Variants in CASC3 observed in about 807,000 individuals in gnomAD.
CASC3 encodes CASC3 exon junction complex subunit.
In CASC3, 30 loss-of-function variants were observed where a neutral mutation model predicts 80.5. The ratio of observed to expected loss-of-function variants is 0.37; its 90% CI spans 0.28 to 0.51. The LOEUF is 0.51. Ranked by LOEUF, CASC3 falls within the 20% of genes least tolerant of loss-of-function variation. CASC3 has a pLI of 0.94. For missense variants in CASC3, 824 were observed against 922.2 expected, an observed-to-expected ratio of 0.89 and a Z score of 1.38; for synonymous variants, 312 against 333.6, an observed-to-expected ratio of 0.94 and a Z score of 0.70.
chr17:40,156,517 T>G (rs2145167953), intron 3 of CASC3, among the ~76,000 whole-genome samples: 1 of 151,972 alleles, frequency 6.6e-6, no homozygotes, highest in Non-Finnish European at 1.5e-5. Context: ...AAACCCCGTC[T>G]CTACTGAAAA....
At chr17:40,162,959 AC>A (rs1989342260) in intron 6 of CASC3, 58 bp downstream of exon 6, 1 of 1,501,284 alleles carries the variant, frequency 6.7e-7, no homozygotes, top group Non-Finnish European at 9.2e-7. Context: ...GGTGGCTTAC[AC>A]CTGGAATCCC....
chr17:40,166,992 T>C, intron 8 of CASC3, 131 bp downstream of exon 8: 2 of 667,266 alleles, frequency 3.0e-6, no homozygotes, highest in South Asian at 4.5e-5. Flanking sequence ...AGAGTCTCGC[T>C]CTGTTGCCCA....
rs748066451 is a variant in CASC3 at position 40,163,518 on chromosome 17, G to A, written c.823G>A (p.Gly275Ser). 37 of 1,613,462 alleles carry A rather than the reference G, an allele frequency of 2.3e-5. No homozygotes were observed. The East Asian group carries it at 6.7e-4, about 29-fold the overall frequency. ...TCCACAAAGAGATCCAAACTGGAAC[G>A]GTGAGCGGCTAAACAAGTCTCATCG... ...SPPQRDPNWN[G>S]ERLNKSHRHQ... is the part of the protein sequence containing the mutation. Residue 275 changes from glycine to serine, a missense_variant, in exon 7 of 14, where the codon GGT (glycine) becomes AGT (serine). Around this residue, in one of 3 missense-constraint regions of CASC3, gnomAD observed 201 missense variants for 294.1 expected, o/e 0.68. Transcript: ENST00000264645.
At chr17:40,148,505 C>T (rs1988915255) in intron 3 of CASC3, among the ~76,000 whole-genome samples, 2 of 152,038 alleles carry the variant, frequency 1.3e-5, no homozygotes, top group Non-Finnish European at 2.9e-5. Context: ...GCTGGGACCT[C>T]GTGTGTCACC....
chr17:40,172,120 T>A lies in CASC3; in HGVS notation c.*1715T>A. 1 of 1,289,962 alleles carries A rather than the reference T, an allele frequency of 7.8e-7. No individual in the cohort carries two copies. Among genetic ancestry groups the A allele is most frequent in the Non-Finnish European group, 1.0e-6 (1 of 988,866 alleles). The allele number at this position is 1,289,962 out of a possible 1,614,324, so 79.9% of individuals were successfully genotyped here. ...TTGTTACTGTTTTAAAGGGTGCCCATTTGTGATCAGCATTGTGACTTGGAG... is the reference window on the plus strand; with the variant it reads ...TTGTTACTGTTTTAAAGGGTGCCCAATTGTGATCAGCATTGTGACTTGGAG... On this transcript the variant is annotated 3_prime_UTR_variant, in exon 14 of 14. Coordinates refer to ENST00000264645, the MANE Select transcript of CASC3 (RefSeq NM_007359.5).
At chr17:40,161,722 T>C (rs781559283) in intron 3 of CASC3, 31 bp from the exon 4 acceptor site, 56 of 1,604,898 alleles carry the variant, frequency 3.5e-5, no homozygotes, top group Admixed American at 1.7e-4. Context: ...TCAGATCTTA[T>C]ATGCATCGCT....
chr17:40,168,331 G>A lies in CASC3; in HGVS notation c.1879G>A (p.Val627Ile), dbSNP rs763784278. Residue 627 changes from valine to isoleucine, a missense_variant, in exon 11 of 14, where the codon GTC becomes ATC. Coordinates refer to ENST00000264645, the MANE Select transcript of CASC3 (RefSeq NM_007359.5). ...LAPTYFSAPG[V>I]MNFGNPSYPY... ...TCCTACTTACTTTTCTGCTCCAGGC[G>A]TCATGAACTTTGGTAATCCCAGTTA... 18 of 1,613,904 alleles carry A rather than the reference G, an allele frequency of 1.1e-5. No individual in the cohort carries two copies. The highest frequency in any genetic ancestry group is 8.3e-5 in the Admixed American group (5 of 59,976).
chr17:40,152,846 G>A (rs1014503721), intron 3 of CASC3, among the ~76,000 whole-genome samples: 17 of 151,740 alleles, frequency 1.1e-4, no homozygotes, highest in Non-Finnish European at 1.6e-4. Context: ...TTACAATCTC[G>A]GCTCACTGCA....
At position 40,141,252 on chromosome 17, in the gene CASC3, C is replaced by T. The variant is rs763736264; in HGVS notation, c.259+18C>T. The T allele has an allele frequency of 1.2e-5, 20 of 1,610,298 alleles. No individual in the cohort carries two copies. Among genetic ancestry groups the T allele is most frequent in the South Asian group, 8.8e-5 (8 of 90,974 alleles). On this transcript the variant is annotated intron_variant, in intron 2 of 13. Coordinates refer to ENST00000264645, the MANE Select transcript of CASC3 (RefSeq NM_007359.5). ...AGGTGATGGTGAGTAGCATCTTTTA[C>T]CCCATTAGGACAAGAGTTTTTTTTA... is the stretch of plus-strand genomic sequence containing the variant.
chr17:40,168,256 C>T lies in CASC3; in HGVS notation c.1804C>T (p.Pro602Ser), dbSNP rs1421034732. The change falls in exon 11 of 14, where the codon CCA becomes TCA. Residue 602 changes from proline (P) to serine (S), a missense_variant. Physicochemically the swap from Pro to Ser is moderately conservative, Grantham distance 74. This residue lies in a region of CASC3 where 464 missense variants were observed against 506.0 expected (regional missense o/e 0.92). Transcript: ENST00000264645. Reference sequence around the variant, plus strand: ...TCTGCCCAATCCAGGCCTCTATCCCCCACCAGTGTCCATGTCTCCAGGACA... The same window carrying T: ...TCTGCCCAATCCAGGCCTCTATCCCTCACCAGTGTCCATGTCTCCAGGACA... ...APLPNPGLYP[P>S]PVSMSPGQPP... is the part of the protein sequence containing the mutation. 1 of 1,614,164 alleles carries T rather than the reference C, an allele frequency of 6.2e-7. No individual in the cohort carries two copies. The highest frequency in any genetic ancestry group is 2.2e-5 in the East Asian group (1 of 44,886).
intron 5 of CASC3, 83 bp from the exon 6 acceptor site, chr17:40,162,642 G>C (rs1409869201): frequency 9.1e-6 from 12 of 1,323,790 alleles, no homozygotes; most frequent in Non-Finnish European, 1.3e-5. Flanking sequence ...TTGTCCCCCT[G>C]CCTCCCTGAC....
At position 40,158,961 on chromosome 17, in the gene CASC3, C is replaced by T. The variant is rs1034275897; in HGVS notation, c.298-2792C>T. ...TCAAGAGTTTGCACATCTGGTTGGGCGCAGTGGCTCATGCCTGTAATCCTA... is the reference window on the plus strand; with the variant it reads ...TCAAGAGTTTGCACATCTGGTTGGGTGCAGTGGCTCATGCCTGTAATCCTA... On this transcript the variant is annotated intron_variant, in intron 3 of 13. Transcript: ENST00000264645. Among the ~76,000 whole-genome samples, 13 of 152,062 alleles carry T rather than the reference C, an allele frequency of 8.5e-5. 1 individual carries two copies. The highest frequency in any genetic ancestry group is 7.4e-5 in the Non-Finnish European group (5 of 68,026).
chr17:40,171,768 G>T lies in CASC3; in HGVS notation c.*1363G>T, dbSNP rs1021764507. The stretch of plus-strand genomic sequence containing the variant: ...TACAGAACCTGAGGGCAAAGATGGT[G>T]GCTGTGTCTCTCCCCGGTAATGTCA... On this transcript the variant is annotated 3_prime_UTR_variant, in exon 14 of 14. Transcript: ENST00000264645. 8.6e-7 allele frequency: 1 copy of T among 1,160,096 alleles called. No individual in the cohort carries two copies. Among genetic ancestry groups the T allele is most frequent in the Non-Finnish European group, 1.1e-6 (1 of 927,594 alleles). The allele number at this position is 1,160,096 out of a possible 1,614,324, so 71.9% of individuals were successfully genotyped here. A position where few individuals can be genotyped will look rare whatever the true frequency, so the allele number is the denominator to read the frequency against.
chr17:40,155,635 AAG>A (rs1278745434), intron 3 of CASC3, among the ~76,000 whole-genome samples: 2 of 152,184 alleles, frequency 1.3e-5, no homozygotes, highest in East Asian at 3.8e-4. Context: ...TTAGATCTGA[AAG>A]AGACATTGAG....
intron 3 of CASC3, among the ~76,000 whole-genome samples, chr17:40,152,033 T>C (rs1989023579): frequency 6.6e-6 from 1 of 152,258 alleles, no homozygotes; most frequent in Admixed American, 6.5e-5. Context: ...GTTAAGCTAA[T>C]TAACGTATCT....
At chr17:40,164,315 G>C in intron 7 of CASC3, 149 bp downstream of exon 7, 1 of 735,410 alleles carries the variant, frequency 1.4e-6, no homozygotes, top group Non-Finnish European at 2.1e-6. Context: ...CCAGGCTGGA[G>C]TGCAGTGGCG....
Position 40,162,049 on chromosome 17 carries a change from G to A in CASC3, c.504G>A (p.Lys168=). ...VENKVGKKGP[K]HLDDDEDRKN... Reference sequence around the variant, plus strand: ...ACAAAGTGGGTAAAAAGGGCCCTAAGCATTTGGATGATGATGAAGATCGGA... The same window carrying A: ...ACAAAGTGGGTAAAAAGGGCCCTAAACATTTGGATGATGATGAAGATCGGA... The change falls in exon 5 of 14, where the codon AAG becomes AAA. Residue 168 remains lysine, a synonymous_variant. Transcript: ENST00000264645. 1.2e-6 allele frequency: 2 copies of A among 1,614,138 alleles called. No homozygotes were observed. Among genetic ancestry groups the A allele is most frequent in the South Asian group, 1.1e-5 (1 of 91,088 alleles).
intron 3 of CASC3, among the ~76,000 whole-genome samples, chr17:40,158,545 T>C (rs747761350): frequency 1.3e-5 from 2 of 152,122 alleles, no homozygotes; most frequent in Non-Finnish European, 2.9e-5. Flanking sequence ...AGTTCCCTTA[T>C]CATGAGCCTT....
At position 40,171,824 on chromosome 17, in the gene CASC3, C is replaced by T; in HGVS notation, c.*1419C>T. ...TTTATTCCTTCCATCTAGCAGCTGG[C>T]CTAATCACTCTGAGTCACAGGTGTG... On this transcript the variant is annotated 3_prime_UTR_variant, in exon 14 of 14. Coordinates refer to ENST00000264645, the MANE Select transcript of CASC3 (RefSeq NM_007359.5). 8.5e-7 allele frequency: 1 copy of T among 1,181,060 alleles called. No homozygotes were observed. Among genetic ancestry groups the T allele is most frequent in the Non-Finnish European group, 1.1e-6 (1 of 937,890 alleles). 73.2% of individuals were successfully genotyped at this position (1,181,060 alleles called of 1,614,324 possible).
Sources: gnomAD v4.1 joint callset for allele counts (sites outside exome capture counted in the v4.1 genomes callset) on GRCh38, gnomAD v4.1.1 for gene constraint, gnomAD v4.1.1 regional missense constraint, MANE v1.5 for transcripts, NCBI Gene and HGNC (gene_info 2026-07-23, HGNC 2026-07-21) for gene names.